SYN2: variants seen among roughly 807,000 people sequenced by gnomAD.
SYN2 encodes the protein synapsin II.
SYN2 carries 19 observed loss-of-function variants against 50.9 expected under a neutral mutation model. The observed-to-expected ratio is 0.37, with a 90% confidence interval of 0.26 to 0.55. The LOEUF is 0.55. SYN2 is among the 20% of genes least tolerant of loss of function. The probability of loss-of-function intolerance (pLI) is 0.81; values close to 1 mark genes in which losing one functional copy is unlikely to be tolerated. For synonymous variants in SYN2, 255 were observed against 224.9 expected (o/e 1.13, Z -1.20); for missense variants, 587 against 576.4 (o/e 1.02, Z -0.19).
intron 5 of SYN2, chr3:12,159,030 C>A (rs1035624680): frequency 6.9e-6 from 5 of 720,850 alleles, no homozygotes; most frequent in Non-Finnish European, 1.1e-5. Context: ...CGAGGCTCTT[C>A]CGACCTGCAT....
intron 1 of SYN2, among the ~76,000 whole-genome samples, chr3:12,072,997 G>A (rs1695393867): frequency 6.6e-6 from 1 of 152,124 alleles, no homozygotes; most frequent in Non-Finnish European, 1.5e-5. Context: ...TGATCTAGTA[G>A]ACTTTATCAA....
intron 1 of SYN2, among the ~76,000 whole-genome samples, chr3:12,060,523 C>T (rs531730081): frequency 5.3e-5 from 8 of 152,278 alleles, no homozygotes; most frequent in African/African-American, 1.2e-4. Flanking sequence ...GAGATTTAAT[C>T]GTAAGATAGC....
chr3:12,109,138 G>A (rs1188873822), intron 1 of SYN2, among the ~76,000 whole-genome samples: 7 of 152,104 alleles, frequency 4.6e-5, no homozygotes, highest in Non-Finnish European at 1.0e-4. Context: ...CTCAAGATAG[G>A]AACACAGTCA....
chr3:12,060,316 C>T (rs1330580296), intron 1 of SYN2, among the ~76,000 whole-genome samples: 4 of 152,102 alleles, frequency 2.6e-5, no homozygotes, highest in African/African-American at 7.2e-5. Flanking sequence ...GGGAGAGTAA[C>T]CATTGTGAAA....
intron 5 of SYN2, chr3:12,157,578 G>T: frequency 8.1e-7 from 1 of 1,228,530 alleles, no homozygotes; most frequent in Non-Finnish European, 1.2e-6. Context: ...AGTCTATAGG[G>T]CAGTTCTTGG....
At chr3:12,170,844 G>A (rs1012957532) in intron 10 of SYN2, among the ~76,000 whole-genome samples, 2 of 152,224 alleles carry the variant, frequency 1.3e-5, no homozygotes, top group African/African-American at 4.8e-5. Flanking sequence ...GATTCAGAGT[G>A]TGGGCTTTGA....
chr3:12,102,145 G>T lies in SYN2; in HGVS notation c.378-38506G>T, dbSNP rs62240409. 6.3e-3 allele frequency among the ~76,000 whole-genome samples: 957 copies of T among 152,192 alleles called. 4 individuals carry two copies. The highest frequency in any genetic ancestry group is 0.01 in the Non-Finnish European group (693 of 67,964). ...GGTGCATGAAATTTGGTGCATTTTG[G>T]TACATGAAAATGGTGCAGAAATGGG... On this transcript the variant is annotated intron_variant, in intron 1 of 12. Coordinates refer to ENST00000621198, the MANE Select transcript of SYN2 (RefSeq NM_133625.6).
intron 5 of SYN2, chr3:12,158,817 CGCGG>C: frequency 6.3e-7 from 1 of 1,596,098 alleles, no homozygotes; most frequent in Non-Finnish European, 8.5e-7. Context: ...CCCAGCTTGG[CGCGG>C]GCCGAGGGCT....
At chr3:12,019,236 G>A (rs1215759936) in intron 1 of SYN2, among the ~76,000 whole-genome samples, 1 of 152,206 alleles carries the variant, frequency 6.6e-6, no homozygotes, top group Non-Finnish European at 1.5e-5. Context: ...GACTGAAAAT[G>A]TGAAATCAGC....
intron 1 of SYN2, among the ~76,000 whole-genome samples, chr3:12,027,114 C>T (rs1283811851): frequency 6.6e-6 from 1 of 152,226 alleles, no homozygotes; most frequent in African/African-American, 2.4e-5. Context: ...CTAAACTCAT[C>T]ATCAGAGGTG....
At chr3:12,118,433 A>C (rs1696482138) in intron 1 of SYN2, among the ~76,000 whole-genome samples, 1 of 152,222 alleles carries the variant, frequency 6.6e-6, no homozygotes, top group Non-Finnish European at 1.5e-5. Flanking sequence ...TTACAAACAC[A>C]TGTGGAAAGA....
Position 12,090,605 on chromosome 3 carries a change from G to C in SYN2, c.378-50046G>C, listed in dbSNP as rs148393143. 1.6e-4 allele frequency among the ~76,000 whole-genome samples: 25 copies of C among 152,282 alleles called. No homozygotes were observed. In the South Asian group the frequency reaches 3.5e-3, roughly 21 times the overall value. ...TTCAACTTTTAGTAACTGAGGCTTG[G>C]CAACTTAGAAGTAAGAGAATGGAGC... is the stretch of plus-strand genomic sequence containing the variant. On this transcript the variant is annotated intron_variant, in intron 1 of 12. Transcript: ENST00000621198.
chr3:12,153,484 CTT>C, intron 5 of SYN2: 2 of 1,611,738 alleles, frequency 1.2e-6, no homozygotes, highest in South Asian at 2.2e-5. Flanking sequence ...CTTCAGGACT[CTT>C]GAAGGGATGT....
intron 1 of SYN2, among the ~76,000 whole-genome samples, chr3:12,081,151 C>T (rs921213427): frequency 6.6e-6 from 1 of 152,086 alleles, no homozygotes; most frequent in African/African-American, 2.4e-5. Flanking sequence ...TAGTGCTGGG[C>T]ATATAAATGC....
chr3:12,088,464 A>C (rs1695758105), intron 1 of SYN2, among the ~76,000 whole-genome samples: 2 of 152,226 alleles, frequency 1.3e-5, no homozygotes, highest in African/African-American at 4.8e-5. Context: ...AAGGTAAATT[A>C]GTATAGCCAT....
intron 10 of SYN2, among the ~76,000 whole-genome samples, chr3:12,170,527 A>G (rs895123045): frequency 6.6e-6 from 1 of 152,232 alleles, no homozygotes; most frequent in Non-Finnish European, 1.5e-5. Flanking sequence ...GGAAATCCAC[A>G]CTAAAGTTTT....
chr3:12,070,573 A>G, intron 1 of SYN2: 1 of 1,290,518 alleles, frequency 7.7e-7, no homozygotes, highest in Non-Finnish European at 1.1e-6. Context: ...GTGAACCCCA[A>G]GGCCAACAGA....
chr3:12,046,619 A>G (rs531478180), intron 1 of SYN2, among the ~76,000 whole-genome samples: 5 of 152,232 alleles, frequency 3.3e-5, no homozygotes, highest in African/African-American at 1.2e-4. Flanking sequence ...ACTGGATTGG[A>G]GGAAGGGAAG....
intron 1 of SYN2, among the ~76,000 whole-genome samples, chr3:12,083,660 T>A (rs1380529119): frequency 1.3e-5 from 2 of 152,168 alleles, no homozygotes; most frequent in African/African-American, 4.8e-5. Flanking sequence ...ATTCTCTGAG[T>A]ATAAAGAGCC....
Sources: allele counts gnomAD v4.1 joint callset (sites outside exome capture counted in the v4.1 genomes callset), GRCh38; gene constraint gnomAD v4.1.1; transcripts MANE v1.5; gene names NCBI Gene and HGNC (gene_info 2026-07-23, HGNC 2026-07-21).